ARHGAP26: variants seen among roughly 807,000 people sequenced by gnomAD.
ARHGAP26 encodes the protein Rho GTPase activating protein 26.
Under a neutral mutation model 104.8 loss-of-function variants are expected in ARHGAP26, and 38 were observed. The observed-to-expected ratio is 0.36, with a 90% CI of 0.28 to 0.48. ARHGAP26 has a LOEUF of 0.48. Ranked by LOEUF, ARHGAP26 falls within the 20% of genes least tolerant of loss-of-function variation. The pLI, the probability that ARHGAP26 is intolerant of heterozygous loss-of-function variation, is 0.99. For synonymous variants in ARHGAP26, 341 were observed against 340.0 expected (o/e 1.00, Z -0.03); for missense variants, 704 against 947.9 (o/e 0.74, Z 3.38).
chr5:142,987,723 CA>C (rs1774976148), intron 11 of ARHGAP26, among the ~76,000 whole-genome samples: 1 of 152,118 alleles, frequency 6.6e-6, no homozygotes, highest in African/African-American at 2.4e-5. Flanking sequence ...TGAATTTTGT[CA>C]AAGGCCTTTT....
intron 5 of ARHGAP26, among the ~76,000 whole-genome samples, chr5:142,891,422 A>G (rs1030491953): frequency 3.9e-5 from 6 of 152,002 alleles, no homozygotes; most frequent in Non-Finnish European, 8.8e-5. Flanking sequence ...AGTTGCTAGC[A>G]TGAGAGACTT....
In ARHGAP26 at chr5:142,890,169, T is replaced by A. The variant is rs1198579894; in HGVS notation, c.487-4069T>A. 2.7e-3 allele frequency among the ~76,000 whole-genome samples: 246 copies of A among 91,212 alleles called. 7 individuals are homozygous for A. Among genetic ancestry groups the A allele is most frequent in the African/African-American group, 8.2e-3 (184 of 22,372 alleles). The allele number at this position is 91,212 out of a possible 152,430, so 59.8% of individuals were successfully genotyped here. Reference sequence around the variant, plus strand: ...AAAAAAAAATATATATATATATATATATATATATATATATATATATATATA... The same window carrying A: ...AAAAAAAAATATATATATATATATAAATATATATATATATATATATATATA... On this transcript the variant is annotated intron_variant, in intron 5 of 22. Coordinates refer to ENST00000645722, the MANE Select transcript of ARHGAP26 (RefSeq NM_001135608.3).
At chr5:142,778,263 A>G (rs976944216) in intron 1 of ARHGAP26, among the ~76,000 whole-genome samples, 2 of 152,250 alleles carry the variant, frequency 1.3e-5, no homozygotes, top group African/African-American at 4.8e-5. Context: ...AATTAACAAT[A>G]TGAATGAATG....
chr5:142,791,961 A>AG lies in ARHGAP26; in HGVS notation c.154+21046_154+21047insG, dbSNP rs1185628168. 3.9e-5 allele frequency among the ~76,000 whole-genome samples: 6 copies of AG among 152,000 alleles called. No individual in the cohort carries two copies. The East Asian group carries it at 1.2e-3, about 29-fold the overall frequency. On this transcript the variant is annotated intron_variant, in intron 1 of 22. Coordinates refer to ENST00000645722, the MANE Select transcript of ARHGAP26 (RefSeq NM_001135608.3). The stretch of plus-strand genomic sequence containing the variant: ...CGTCTCAAAAAAAAAAAAAAAAAAA[A>AG]AGGTGTTAAGTTTTGACAAATCAGT...
At chr5:142,924,317 CA>C (rs1562089832) in intron 10 of ARHGAP26, among the ~76,000 whole-genome samples, 1 of 152,028 alleles carries the variant, frequency 6.6e-6, no homozygotes, top group Non-Finnish European at 1.5e-5. Flanking sequence ...GCTACATGCA[CA>C]GGGGGGCAGT....
At chr5:142,884,729 C>T (rs983105712) in intron 4 of ARHGAP26, among the ~76,000 whole-genome samples, 1 of 152,180 alleles carries the variant, frequency 6.6e-6, no homozygotes, top group African/African-American at 2.4e-5. Flanking sequence ...CCGTAGTAAA[C>T]AAATGTGTGT....
intron 11 of ARHGAP26, among the ~76,000 whole-genome samples, chr5:142,965,409 C>A (rs1446705871): frequency 1.3e-5 from 2 of 152,152 alleles, no homozygotes; most frequent in African/African-American, 4.8e-5. Flanking sequence ...ACCGCTAGAC[C>A]ACGGTCCACC....
intron 20 of ARHGAP26, among the ~76,000 whole-genome samples, chr5:143,149,858 T>C (rs113603692): frequency 1.9e-4 from 29 of 152,336 alleles, no homozygotes; most frequent in African/African-American, 5.1e-4. Flanking sequence ...AGCTATCTGT[T>C]CTTTTTATTT....
At chr5:142,856,691 A>C (rs188293762) in intron 1 of ARHGAP26, among the ~76,000 whole-genome samples, 2 of 152,340 alleles carry the variant, frequency 1.3e-5, no homozygotes, top group Admixed American at 1.3e-4. Context: ...CTCTCAAGCA[A>C]TACAGTATAA....
At chr5:142,839,951 T>C (rs1270479620) in intron 1 of ARHGAP26, among the ~76,000 whole-genome samples, 1 of 151,922 alleles carries the variant, frequency 6.6e-6, no homozygotes, top group Non-Finnish European at 1.5e-5. Flanking sequence ...TCTGGAGTTA[T>C]GCGTATTATT....
At chr5:143,190,054 G>T (rs1464605869) in intron 20 of ARHGAP26, among the ~76,000 whole-genome samples, 1 of 149,992 alleles carries the variant, frequency 6.7e-6, no homozygotes, top group Admixed American at 6.6e-5. Flanking sequence ...AAAAAGACCT[G>T]GTTTCTGGGG....
chr5:143,183,964 C>T lies in ARHGAP26; in HGVS notation c.1989-23234C>T, dbSNP rs1027650768. 4.6e-5 allele frequency among the ~76,000 whole-genome samples: 7 copies of T among 152,216 alleles called. 1 individual carries two copies. Among genetic ancestry groups the T allele is most frequent in the South Asian group, 4.1e-4 (2 of 4,828 alleles). ...ATGCTCCTGCCTTCTTTCCTCTCCTCATGGTAACCAAATGGTTTGAAGTTC... is the reference window on the plus strand; with the variant it reads ...ATGCTCCTGCCTTCTTTCCTCTCCTTATGGTAACCAAATGGTTTGAAGTTC... On this transcript the variant is annotated intron_variant, in intron 20 of 22. Transcript: ENST00000645722.
At chr5:142,846,750 A>G (rs1772039115) in intron 1 of ARHGAP26, among the ~76,000 whole-genome samples, 2 of 152,194 alleles carry the variant, frequency 1.3e-5, no homozygotes, top group South Asian at 4.1e-4. Context: ...ACACTTTGGT[A>G]TCTTATTTGA....
At chr5:142,873,241 G>GTGTTGACTAT (rs1303271343) in intron 1 of ARHGAP26, among the ~76,000 whole-genome samples, 159 bp from the exon 2 acceptor site, 5 of 152,248 alleles carry the variant, frequency 3.3e-5, no homozygotes, top group Non-Finnish European at 7.3e-5. Context: ...TTGTAACCAA[G>GTGTTGACTAT]TGTTGACTAT....
chr5:142,949,075 A>C, intron 11 of ARHGAP26, among the ~76,000 whole-genome samples: 1 of 151,608 alleles, frequency 6.6e-6, no homozygotes. Context: ...ACTTCACTCC[A>C]GCCTGGGTGA....
chr5:142,808,570 AGGGTCT>A (rs1246625953), intron 1 of ARHGAP26, among the ~76,000 whole-genome samples: 2 of 152,018 alleles, frequency 1.3e-5, no homozygotes, highest in Admixed American at 1.3e-4. Flanking sequence ...TGGGGTATGC[AGGGTCT>A]GGCCAGAAAT....
chr5:143,142,279 C>T (rs570793767), intron 19 of ARHGAP26, among the ~76,000 whole-genome samples: 2 of 151,764 alleles, frequency 1.3e-5, no homozygotes, highest in South Asian at 4.2e-4. Flanking sequence ...GCTGGGACTG[C>T]ATGCGCCCGC....
chr5:142,912,186 A>G (rs1386467032), intron 9 of ARHGAP26, among the ~76,000 whole-genome samples: 2 of 152,234 alleles, frequency 1.3e-5, no homozygotes, highest in Non-Finnish European at 2.9e-5. Context: ...TATGAGATGA[A>G]ATTGTCACAT....
chr5:142,791,667 A>G (rs1024264147), intron 1 of ARHGAP26, among the ~76,000 whole-genome samples: 1 of 152,154 alleles, frequency 6.6e-6, no homozygotes, highest in Non-Finnish European at 1.5e-5. Context: ...CCTCGCATTT[A>G]AAAGGTGTTA....
Sources: gnomAD v4.1 joint callset for allele counts (sites outside exome capture counted in the v4.1 genomes callset) on GRCh38, gnomAD v4.1.1 for gene constraint, MANE v1.5 for transcripts, NCBI Gene and HGNC (gene_info 2026-07-23, HGNC 2026-07-21) for gene names.